The following IFFO2 variants were observed in gnomAD, a reference collection of about 807,000 sequenced individuals.
The protein encoded by IFFO2 is intermediate filament family orphan 2.
Under a neutral mutation model 53.5 loss-of-function variants are expected in IFFO2, and 19 were observed. The observed-to-expected ratio is 0.36, with a 90% CI of 0.25 to 0.52. The LOEUF (loss-of-function observed/expected upper bound fraction) is 0.52. Among genes scored for constraint, IFFO2 ranks in the 20% least tolerant of loss-of-function variants. The pLI is 0.94. For synonymous variants in IFFO2, 303 were observed against 313.6 expected (o/e 0.97, Z 0.36); for missense variants, 570 against 727.4 (o/e 0.78, Z 2.49).
chr1:18,937,572 T>C (rs1353535241), intron 1 of IFFO2, among the ~76,000 whole-genome samples: 1 of 152,080 alleles, frequency 6.6e-6, no homozygotes, highest in East Asian at 1.9e-4. Flanking sequence ...AGACGGGGAA[T>C]GAAATGGAGC....
In IFFO2 at chr1:18,947,074, G is replaced by C. The variant is rs972522534; in HGVS notation, c.665+8594C>G. Among the ~76,000 whole-genome samples, 1 of 151,964 alleles carries C rather than the reference G, an allele frequency of 6.6e-6. No individual in the cohort carries two copies. Among genetic ancestry groups the C allele is most frequent in the Non-Finnish European group, 1.5e-5 (1 of 67,954 alleles). On this transcript the variant is annotated intron_variant, in intron 1 of 8. Coordinates refer to ENST00000455833, the MANE Select transcript of IFFO2 (RefSeq NM_001136265.2). This position sits in a 1 kb window ranked among gnomAD's most constrained non-coding sequence, Gnocchi z 5.0. ...GAGGGCAGGGGCCTGGCCCACGGTG[G>C]GTACTCAGCCACTGTTCTGAAACCA...
At chr1:18,942,678 C>T (rs537253375) in intron 1 of IFFO2, among the ~76,000 whole-genome samples, 222 of 152,266 alleles carry the variant, frequency 1.5e-3, no homozygotes, top group African/African-American at 4.9e-3. Flanking sequence ...TAATTCCCCA[C>T]AATTGAATTA....
chr1:18,913,893 C>A (rs573035560), intron 5 of IFFO2, among the ~76,000 whole-genome samples: 17 of 152,122 alleles, frequency 1.1e-4, no homozygotes, highest in Non-Finnish European at 2.4e-4. Context: ...TGCAGTGGTG[C>A]GATCTCGGCT....
At position 18,917,499 on chromosome 1, in the gene IFFO2, C is replaced by T. The variant is rs1936150325; in HGVS notation, c.964-457G>A. Among the ~76,000 whole-genome samples the T allele has an allele frequency of 6.6e-6, 1 of 152,170 alleles. No homozygotes were observed. Among genetic ancestry groups the T allele is most frequent in the Admixed American group, 6.5e-5 (1 of 15,282 alleles). The stretch of plus-strand genomic sequence containing the variant: ...CGGCCCAAGGTTCACCGAAAGCTTC[C>T]ACTCCAAGCAGACAAGCCACGAGCA... On this transcript the variant is annotated intron_variant, in intron 4 of 8. Coordinates refer to ENST00000455833, the MANE Select transcript of IFFO2 (RefSeq NM_001136265.2). The surrounding 1 kb of genome is among the most constrained non-coding windows in gnomAD (Gnocchi z 5.9).
In IFFO2 at chr1:18,916,150, C is replaced by T. The variant is rs1385233850; in HGVS notation, c.1103+753G>A. Among the ~76,000 whole-genome samples, 1 of 151,900 alleles carries T rather than the reference C, an allele frequency of 6.6e-6. No homozygotes were observed. Among genetic ancestry groups the T allele is most frequent in the African/African-American group, 2.4e-5 (1 of 41,364 alleles). On this transcript the variant is annotated intron_variant, in intron 5 of 8. Coordinates refer to ENST00000455833, the MANE Select transcript of IFFO2 (RefSeq NM_001136265.2). The surrounding 1 kb of genome is among the most constrained non-coding windows in gnomAD (Gnocchi z 4.3). Reference sequence around the variant, plus strand: ...AAAAAAAAATAGCCTACAAATAAGACCACATCTGCCATTGCCCCTTCTGGG... The same window carrying T: ...AAAAAAAAATAGCCTACAAATAAGATCACATCTGCCATTGCCCCTTCTGGG...
rs1936145676 is a variant in IFFO2, at chr1:18,917,188, G to A, written c.964-146C>T. On this transcript the variant is annotated intron_variant, in intron 4 of 8. Transcript: ENST00000455833. This position sits in a 1 kb window ranked among gnomAD's most constrained non-coding sequence, Gnocchi z 5.9. ...GCCAGGAAAGGTGCAGGTCCTCTAA[G>A]AAGCAGGCGGCGTTAGCAGGAAGCG... The A allele has an allele frequency of 2.3e-6, 2 of 883,464 alleles. No individual in the cohort carries two copies. Among genetic ancestry groups the A allele is most frequent in the Admixed American group, 5.4e-5 (2 of 37,232 alleles). The allele number at this position is 883,464 out of a possible 1,614,324, so 54.7% of individuals were successfully genotyped here. A position where few individuals can be genotyped will look rare whatever the true frequency, so the allele number is the denominator to read the frequency against.
intron 1 of IFFO2, among the ~76,000 whole-genome samples, chr1:18,933,288 G>A (rs1268909083): frequency 2.6e-5 from 4 of 152,204 alleles, no homozygotes; most frequent in Non-Finnish European, 1.5e-5. Context: ...CCTGGGACAG[G>A]GGGCATCTTC....
chr1:18,949,152 C>G (rs926065673), intron 1 of IFFO2, among the ~76,000 whole-genome samples: 1 of 152,194 alleles, frequency 6.6e-6, no homozygotes, highest in Non-Finnish European at 1.5e-5. Context: ...CTGTGTTGTC[C>G]GTCTTCTGTC....
In IFFO2 at chr1:18,907,559, G is replaced by A. The variant is rs1935969425; in HGVS notation, c.*1002C>T. ...GATCTCTAAGCCTCTATTGTTGGCT[G>A]GCGAGGGAGGGAAGAACATCAAGTT... On this transcript the variant is annotated 3_prime_UTR_variant, in exon 9 of 9. Coordinates refer to ENST00000455833, the MANE Select transcript of IFFO2 (RefSeq NM_001136265.2). The A allele has an allele frequency of 6.6e-6, 1 of 152,226 alleles. No homozygotes were observed. The highest frequency in any genetic ancestry group is 2.4e-5 in the African/African-American group (1 of 41,442). 9.4% of individuals were successfully genotyped at this position (152,226 alleles called of 1,614,324 possible).
chr1:18,916,337 G>A lies in IFFO2; in HGVS notation c.1103+566C>T, dbSNP rs1936132826. The stretch of plus-strand genomic sequence containing the variant: ...GGAACATAAAGGATGCTGGCGAATG[G>A]AAGAGTATGCGCCTGTCCAGATTCA... On this transcript the variant is annotated intron_variant, in intron 5 of 8. Transcript: ENST00000455833. This position sits in a 1 kb window ranked among gnomAD's most constrained non-coding sequence, Gnocchi z 4.3. Among the ~76,000 whole-genome samples, 2 of 152,178 alleles carry A rather than the reference G, an allele frequency of 1.3e-5. No homozygotes were observed. The highest frequency in any genetic ancestry group is 3.8e-4 in the East Asian group (2 of 5,196).
chr1:18,910,262 G>A, intron 8 of IFFO2, 80 bp downstream of exon 8: 1 of 1,494,352 alleles, frequency 6.7e-7, no homozygotes, highest in Admixed American at 2.0e-5. Context: ...TTGGGAGCAT[G>A]ACACATGGCC....
intron 1 of IFFO2, among the ~76,000 whole-genome samples, chr1:18,949,317 C>T (rs900670595): frequency 2.6e-5 from 4 of 152,258 alleles, no homozygotes; most frequent in African/African-American, 9.6e-5. Flanking sequence ...ACAGAGCTTC[C>T]AGTCGATGCA....
At chr1:18,920,272 G>T (rs1468195948) in intron 2 of IFFO2, among the ~76,000 whole-genome samples, 6 of 152,152 alleles carry the variant, frequency 3.9e-5, no homozygotes, top group Non-Finnish European at 8.8e-5. Context: ...ATTTGACGAT[G>T]AACCCGTTAA....
chr1:18,921,644 G>A (rs894802238), intron 1 of IFFO2, among the ~76,000 whole-genome samples: 5 of 152,338 alleles, frequency 3.3e-5, no homozygotes, highest in Admixed American at 1.3e-4. Context: ...TTTTACAGAA[G>A]TGGAAACTGA....
intron 1 of IFFO2, among the ~76,000 whole-genome samples, chr1:18,937,735 T>C (rs1052377250): frequency 1.1e-4 from 17 of 152,178 alleles, no homozygotes; most frequent in Non-Finnish European, 1.8e-4. Context: ...CATAACAGCA[T>C]TATGGAGGCT....
chr1:18,920,990 G>T (rs1936208200), intron 2 of IFFO2, 71 bp downstream of exon 2: 6 of 1,377,958 alleles, frequency 4.4e-6, no homozygotes, highest in Non-Finnish European at 6.1e-6. Context: ...TTTGCCGCAT[G>T]AAGACTGTGC....
At chr1:18,946,772 TCA>T (rs1204740571) in intron 1 of IFFO2, among the ~76,000 whole-genome samples, 1 of 152,164 alleles carries the variant, frequency 6.6e-6, no homozygotes, top group Non-Finnish European at 1.5e-5. Context: ...CCTCTGTGGC[TCA>T]GTTTTAGCAT....
Position 18,918,409 on chromosome 1 carries a change from C to G in IFFO2, c.916G>C (p.Asp306His), listed in dbSNP as rs767942179. 1 of 1,556,036 alleles carries G rather than the reference C, an allele frequency of 6.4e-7. No individual in the cohort carries two copies. The highest frequency in any genetic ancestry group is 1.4e-5 in the African/African-American group (1 of 73,188). Residue 306 changes from aspartate to histidine, a missense_variant, in exon 4 of 9, where the codon GAT becomes CAT. Asp to His is a moderately conservative substitution (Grantham distance 81). Transcript: ENST00000455833. The surrounding 1 kb of genome is among the most constrained non-coding windows in gnomAD (Gnocchi z 5.2). ...TCTGAGTTCCGCTGCTGTGCGACATCGCACAGCTTGGCCGTGATATCGATT... is the reference window on the plus strand; with the variant it reads ...TCTGAGTTCCGCTGCTGTGCGACATGGCACAGCTTGGCCGTGATATCGATT... Reference protein sequence around the residue: ...RRIDITAKLCDVAQQRNSEDV... With the variant: ...RRIDITAKLCHVAQQRNSEDV...
Position 18,926,117 on chromosome 1 carries a change from A to AGATGGATGGATG in IFFO2, c.666-5008_666-4997dup, listed in dbSNP as rs150662588. Among the ~76,000 whole-genome samples the AGATGGATGGATG allele has an allele frequency of 3.2e-3, 115 of 35,528 alleles. 6 individuals carry two copies. Among genetic ancestry groups the AGATGGATGGATG allele is most frequent in the South Asian group, 0.012 (16 of 1,318 alleles). 23.3% of individuals were successfully genotyped at this position (35,528 alleles called of 152,430 possible). A position where few individuals can be genotyped will look rare whatever the true frequency, so the allele number is the denominator to read the frequency against. ...GGATGGATGGATTGGTTGGATGGAT[A>AGATGGATGGATG]GATGGATGGATGGATGGATGGATGG... On this transcript the variant is annotated intron_variant, in intron 1 of 8. Transcript: ENST00000455833.
Sources: gnomAD v4.1 joint callset for allele counts (sites outside exome capture counted in the v4.1 genomes callset) on GRCh38, gnomAD v4.1.1 for gene constraint, Gnocchi (gnomAD v3.1) non-coding constraint, MANE v1.5 for transcripts, NCBI Gene and HGNC (gene_info 2026-07-23, HGNC 2026-07-21) for gene names.